Variants in RORA observed in about 807,000 individuals in gnomAD.
The protein encoded by RORA is RAR related orphan receptor A, also known as nuclear receptor ROR-alpha.
In RORA, 7 loss-of-function variants were observed where a neutral mutation model predicts 69.5. The ratio of observed to expected loss-of-function variants is 0.10; its 90% confidence interval spans 0.06 to 0.19. The LOEUF is 0.19. RORA is among the 10% of genes least tolerant of loss of function. The pLI is 1.00. For synonymous variants in RORA, 261 were observed against 240.8 expected (o/e 1.08, Z -0.78); for missense variants, 457 against 663.0 (o/e 0.69, Z 3.41).
chr15:61,120,552 T>C (rs1421479829), intron 1 of RORA, among the ~76,000 whole-genome samples: 1 of 151,572 alleles, frequency 6.6e-6, no homozygotes, highest in African/African-American at 2.4e-5. Context: ...GCAAAAAAAA[T>C]TAGCCAGGTG....
At chr15:61,126,831 G>C (rs1331822559) in intron 1 of RORA, among the ~76,000 whole-genome samples, 1 of 152,194 alleles carries the variant, frequency 6.6e-6, no homozygotes, top group Non-Finnish European at 1.5e-5. Context: ...CCATGCCGCT[G>C]GAGTGCACCA....
intron 2 of RORA, among the ~76,000 whole-genome samples, chr15:60,637,478 C>A (rs28597385): frequency 0.027 from 4,166 of 151,934 alleles, 197 homozygotes; most frequent in African/African-American, 0.096. Flanking sequence ...TCTGTAATTT[C>A]TTCTATTACT....
At chr15:60,946,501 C>T (rs112946217) in intron 1 of RORA, among the ~76,000 whole-genome samples, 25 of 152,312 alleles carry the variant, frequency 1.6e-4, no homozygotes, top group Non-Finnish European at 2.9e-4. Context: ...AGCTCCTAAC[C>T]GGGAGTGATC....
intron 1 of RORA, among the ~76,000 whole-genome samples, chr15:60,829,692 G>T (rs2073015198): frequency 6.6e-6 from 1 of 152,200 alleles, no homozygotes. Flanking sequence ...AGACACTTGA[G>T]ATTCCTACCA....
intron 1 of RORA, among the ~76,000 whole-genome samples, chr15:60,792,547 C>T (rs2072432764): frequency 1.3e-5 from 2 of 152,090 alleles, no homozygotes. Flanking sequence ...AAGAGAACAT[C>T]AAAAAAGCAG....
chr15:61,032,003 G>C (rs1349982965), intron 1 of RORA, among the ~76,000 whole-genome samples: 1 of 152,192 alleles, frequency 6.6e-6, no homozygotes, highest in African/African-American at 2.4e-5. Context: ...TTACCTGATA[G>C]GGTTTGTCTC....
intron 1 of RORA, among the ~76,000 whole-genome samples, chr15:60,977,006 T>C (rs891800889): frequency 6.6e-6 from 1 of 152,032 alleles, no homozygotes; most frequent in Non-Finnish European, 1.5e-5. Flanking sequence ...CCTGTTGTGC[T>C]GACACACATA....
chr15:61,025,305 GA>G (rs1358414976), intron 1 of RORA, among the ~76,000 whole-genome samples: 2 of 152,204 alleles, frequency 1.3e-5, no homozygotes, highest in African/African-American at 4.8e-5. Context: ...AAAGCCTTGT[GA>G]AAACGCCTCT....
At chr15:60,996,558 A>G (rs1224301563) in intron 1 of RORA, among the ~76,000 whole-genome samples, 1 of 152,220 alleles carries the variant, frequency 6.6e-6, no homozygotes, top group Non-Finnish European at 1.5e-5. Flanking sequence ...CAGCTACAGT[A>G]AAAATGCACA....
intron 1 of RORA, among the ~76,000 whole-genome samples, chr15:61,127,752 G>C (rs1457573128): frequency 6.6e-6 from 1 of 152,098 alleles, no homozygotes; most frequent in Admixed American, 6.5e-5. Flanking sequence ...TTGTCCTTGA[G>C]CTCATTTGTC....
Position 61,137,534 on chromosome 15 carries a change from G to A in RORA, c.166+91519C>T, listed in dbSNP as rs189646752. Among the ~76,000 whole-genome samples, 164 of 137,840 alleles carry A rather than the reference G, an allele frequency of 1.2e-3. 1 individual carries two copies. Among genetic ancestry groups the A allele is most frequent in the African/African-American group, 4.4e-3 (160 of 36,460 alleles). The allele number at this position is 137,840 out of a possible 152,430, so 90.4% of individuals were successfully genotyped here. On this transcript the variant is annotated intron_variant, in intron 1 of 10. Coordinates refer to ENST00000335670, the MANE Select transcript of RORA (RefSeq NM_134261.3). ...ACGTGCCCATGGCCTCACTGAACCTGCAGTTAAAAGTGGCATCAGCTTGCA... is the reference window on the plus strand; with the variant it reads ...ACGTGCCCATGGCCTCACTGAACCTACAGTTAAAAGTGGCATCAGCTTGCA...
At chr15:61,096,568 A>G (rs1324821767) in intron 1 of RORA, among the ~76,000 whole-genome samples, 1 of 152,172 alleles carries the variant, frequency 6.6e-6, no homozygotes, top group Non-Finnish European at 1.5e-5. Flanking sequence ...CCAAGTCCCC[A>G]TGAGAGAGGT....
At chr15:60,810,557 T>C (rs2072728860) in intron 1 of RORA, among the ~76,000 whole-genome samples, 1 of 152,168 alleles carries the variant, frequency 6.6e-6, no homozygotes, top group South Asian at 2.1e-4. Flanking sequence ...CTTATTTTTC[T>C]CTCGTTTTTT....
chr15:61,076,508 G>A (rs1443370162), intron 1 of RORA, among the ~76,000 whole-genome samples: 1 of 152,106 alleles, frequency 6.6e-6, no homozygotes, highest in Non-Finnish European at 1.5e-5. Flanking sequence ...GCTAAAGATA[G>A]ACTTAATTCA....
chr15:61,061,453 T>C lies in RORA; in HGVS notation c.166+167600A>G, dbSNP rs1224051867. Among the ~76,000 whole-genome samples the C allele has an allele frequency of 6.6e-6, 1 of 152,138 alleles. No individual in the cohort carries two copies. Among genetic ancestry groups the C allele is most frequent in the Admixed American group, 6.5e-5 (1 of 15,276 alleles). On this transcript the variant is annotated intron_variant, in intron 1 of 10. Transcript: ENST00000335670. This position sits in a 1 kb window ranked among gnomAD's most constrained non-coding sequence, Gnocchi z 4.4. The stretch of plus-strand genomic sequence containing the variant: ...AAGGTAATGCGGCCAGGCATATCTG[T>C]TGTTGCTGACCTGAGAGCTATGGAT...
chr15:61,004,674 TC>T (rs773599557), intron 1 of RORA, among the ~76,000 whole-genome samples: 3 of 152,150 alleles, frequency 2.0e-5, no homozygotes, highest in African/African-American at 4.8e-5. Flanking sequence ...ATTTTATGCC[TC>T]CTGCAGAAAA....
At chr15:61,164,551 T>C (rs2079525033) in intron 1 of RORA, among the ~76,000 whole-genome samples, 1 of 152,222 alleles carries the variant, frequency 6.6e-6, no homozygotes, top group Admixed American at 6.5e-5. Flanking sequence ...TGCTCTTAAA[T>C]ACCTACAAGC....
At chr15:61,190,571 G>A (rs920877017) in intron 1 of RORA, among the ~76,000 whole-genome samples, 3 of 152,090 alleles carry the variant, frequency 2.0e-5, no homozygotes, top group Admixed American at 6.6e-5. Context: ...GACCAGCCTG[G>A]GCAACATTGC....
chr15:60,669,175 T>A (rs867869972), intron 2 of RORA, among the ~76,000 whole-genome samples: 1 of 152,208 alleles, frequency 6.6e-6, no homozygotes, highest in Non-Finnish European at 1.5e-5. Context: ...TTTTCAAGTT[T>A]CACTGCACAT....
Sources: gnomAD v4.1 joint callset for allele counts (sites outside exome capture counted in the v4.1 genomes callset) on GRCh38, gnomAD v4.1.1 for gene constraint, Gnocchi (gnomAD v3.1) non-coding constraint, MANE v1.5 for transcripts, NCBI Gene and HGNC (gene_info 2026-07-23, HGNC 2026-07-21) for gene names.